Variants in DPP6 observed in about 807,000 individuals in gnomAD.
DPP6 encodes A-type potassium channel modulatory protein DPP6.
In DPP6, 69 loss-of-function variants were observed where a neutral mutation model predicts 122.6. The ratio of observed to expected loss-of-function variants is 0.56; its 90% confidence interval spans 0.46 to 0.69. The LOEUF (loss-of-function observed/expected upper bound fraction) is 0.69. DPP6 is among the 30% of genes least tolerant of loss of function. The probability of loss-of-function intolerance (pLI) is 0.00; values close to 1 mark genes in which losing one functional copy is unlikely to be tolerated. For missense variants in DPP6, 928 were observed against 1,116.9 expected, an observed-to-expected ratio of 0.83 and a Z score of 2.41; for synonymous variants, 418 against 433.1, an observed-to-expected ratio of 0.97 and a Z score of 0.43.
At chr7:154,070,540 A>G (rs1803043860) in intron 1 of DPP6, among the ~76,000 whole-genome samples, 1 of 152,198 alleles carries the variant, frequency 6.6e-6, no homozygotes, top group African/African-American at 2.4e-5. Context: ...ACATGCTGTC[A>G]AATTTTCCAT....
At chr7:154,815,867 G>A (rs1365102103) in intron 16 of DPP6, among the ~76,000 whole-genome samples, 1 of 152,148 alleles carries the variant, frequency 6.6e-6, no homozygotes, top group African/African-American at 2.4e-5. Context: ...GGTTTATCAA[G>A]ACAGGCTTCT....
At chr7:153,870,660 A>T in the DPP6 span, among the ~76,000 whole-genome samples, 237 of 152,310 alleles carry the variant, frequency 1.6e-3, 2 homozygotes, top group African/African-American at 5.5e-3. Flanking sequence ...TGTCAAAGTC[A>T]TTCTCCATCC....
At chr7:153,989,160 G>T (rs540103200) in intron 1 of DPP6, among the ~76,000 whole-genome samples, 1 of 147,700 alleles carries the variant, frequency 6.8e-6, no homozygotes, top group Non-Finnish European at 1.5e-5. Flanking sequence ...TGTGAGTGTG[G>T]GTGAGCGTGT....
chr7:154,633,138 G>A (rs929180312), intron 5 of DPP6, among the ~76,000 whole-genome samples: 24 of 152,120 alleles, frequency 1.6e-4, no homozygotes, highest in Admixed American at 3.9e-4. Flanking sequence ...GGCACTCTTA[G>A]AAAAATAACT....
intron 5 of DPP6, among the ~76,000 whole-genome samples, chr7:154,597,346 G>A (rs2130760091): frequency 6.6e-6 from 1 of 152,264 alleles, no homozygotes; most frequent in African/African-American, 2.4e-5. Flanking sequence ...GCTCATGCCT[G>A]TAATCCCAGC....
At chr7:154,763,305 C>T (rs1361336216) in intron 8 of DPP6, among the ~76,000 whole-genome samples, 1 of 151,060 alleles carries the variant, frequency 6.6e-6, no homozygotes, top group Non-Finnish European at 1.5e-5. Context: ...GCACTCCAGC[C>T]TGGATGATAG....
Position 154,560,845 on chromosome 7 carries a change from T to G in DPP6, c.553-5997T>G, listed in dbSNP as rs146596887. ...TTGCCGTGAACTGAGATCATGCCAC[T>G]GCACTCCAGCCTGGGTGACAGAGTG... On this transcript the variant is annotated intron_variant, in intron 4 of 25. Coordinates refer to ENST00000377770, the MANE Select transcript of DPP6 (RefSeq NM_130797.4). Among the ~76,000 whole-genome samples, 43 of 148,110 alleles carry G rather than the reference T, an allele frequency of 2.9e-4. No homozygotes were observed. In the East Asian group the frequency reaches 8.0e-3, roughly 28 times the overall value.
At chr7:154,079,802 G>A (rs569331809) in intron 1 of DPP6, among the ~76,000 whole-genome samples, 77 of 152,040 alleles carry the variant, frequency 5.1e-4, no homozygotes, top group African/African-American at 1.7e-3. Flanking sequence ...GCCCACCTGC[G>A]CTACCTATTC....
In DPP6 at chr7:154,067,825, A is replaced by G. The variant is rs188654251; in HGVS notation, c.243+14762A>G. Among the ~76,000 whole-genome samples the G allele has an allele frequency of 8.3e-5, 12 of 145,188 alleles. No homozygotes were observed. The East Asian group carries it at 2.4e-3, about 29-fold the overall frequency. On this transcript the variant is annotated intron_variant, in intron 1 of 25. Transcript: ENST00000377770. ...AGTGGTATGATCATAGCTCACTGCA[A>G]CCTCGAACTCCTGGGCTCAAGCGAT...
chr7:154,454,728 A>C (rs1239131803), intron 2 of DPP6, among the ~76,000 whole-genome samples: 1 of 152,190 alleles, frequency 6.6e-6, no homozygotes, highest in Non-Finnish European at 1.5e-5. Flanking sequence ...TGTCCTAACC[A>C]GTTTCAGAAT....
At chr7:154,479,557 C>CAAAAA (rs35103324) in intron 3 of DPP6, among the ~76,000 whole-genome samples, 6 of 91,184 alleles carry the variant, frequency 6.6e-5, no homozygotes, top group East Asian at 3.3e-4. Context: ...GACTCCATCT[C>CAAAAA]AAAAAAAAAA....
intron 1 of DPP6, among the ~76,000 whole-genome samples, chr7:154,284,593 G>T (rs116356691): frequency 4.6e-5 from 7 of 152,344 alleles, no homozygotes; most frequent in Admixed American, 6.5e-5. Context: ...GTTGGCTTAC[G>T]CCCGTAATCC....
chr7:154,164,125 T>C (rs1462562308), intron 1 of DPP6, among the ~76,000 whole-genome samples: 2 of 152,192 alleles, frequency 1.3e-5, no homozygotes, highest in East Asian at 3.9e-4. Flanking sequence ...GGCCATCGTG[T>C]ATTTTCCTTC....
intron 1 of DPP6, among the ~76,000 whole-genome samples, chr7:154,021,540 G>A (rs1243659209): frequency 6.6e-6 from 1 of 152,122 alleles, no homozygotes; most frequent in African/African-American, 2.4e-5. Context: ...ACATAAAAAT[G>A]GGAAAAATGG....
intron 1 of DPP6, among the ~76,000 whole-genome samples, chr7:154,225,884 A>G (rs1173844690): frequency 6.6e-6 from 1 of 152,172 alleles, no homozygotes; most frequent in East Asian, 1.9e-4. Context: ...TAATACTTTA[A>G]CTTCGTATAG....
At chr7:154,561,196 T>C (rs185257260) in intron 4 of DPP6, among the ~76,000 whole-genome samples, 85 of 152,302 alleles carry the variant, frequency 5.6e-4, no homozygotes, top group African/African-American at 2.0e-3. Flanking sequence ...TGATAGACTA[T>C]GTAAAAACAT....
At chr7:154,069,431 C>T (rs1371852261) in intron 1 of DPP6, among the ~76,000 whole-genome samples, 1 of 147,968 alleles carries the variant, frequency 6.8e-6, no homozygotes, top group African/African-American at 2.5e-5. Flanking sequence ...ACTGTGGACT[C>T]CAGAGTCTGA....
intron 1 of DPP6, among the ~76,000 whole-genome samples, chr7:154,234,627 GACACAC>G (rs1801097298): frequency 1.3e-5 from 2 of 151,784 alleles, no homozygotes; most frequent in Non-Finnish European, 2.9e-5. Context: ...CACACACACA[GACACAC>G]ACATACACAG....
intron 12 of DPP6, among the ~76,000 whole-genome samples, chr7:154,799,123 GTCCACCGA>G (rs1798205113): frequency 6.6e-6 from 1 of 152,130 alleles, no homozygotes; most frequent in South Asian, 2.1e-4. Flanking sequence ...GCCTGCTTAG[GTCCACCGA>G]TCTTCCAAGG....
Sources: allele counts gnomAD v4.1 joint callset (sites outside exome capture counted in the v4.1 genomes callset), GRCh38; gene constraint gnomAD v4.1.1; transcripts MANE v1.5; gene names NCBI Gene and HGNC (gene_info 2026-07-23, HGNC 2026-07-21).